RIPPLY3: variants seen among roughly 807,000 people sequenced by gnomAD.
RIPPLY3 encodes protein ripply3.
A neutral mutation model predicts 11.9 loss-of-function variants in RIPPLY3; 8 were observed. The ratio of observed to expected loss-of-function variants is 0.67; its 90% CI spans 0.40 to 1.21. The LOEUF is 1.21. RIPPLY3 is among the 50% of genes most tolerant of loss of function. The pLI is 0.01. For missense variants in RIPPLY3, 271 were observed against 246.0 expected (o/e 1.10, Z -0.68); for synonymous variants, 102 against 99.0 (o/e 1.03, Z -0.18).
rs1214243455 is a variant in RIPPLY3, at chr21:37,019,082, T to C, written c.*875T>C. ...ACAAAAAGGACCAGCCTGACCAACG[T>C]GGAGAAACTCTGTCTCTACTAAAAA... On this transcript the variant is annotated 3_prime_UTR_variant, in exon 4 of 4. Coordinates refer to ENST00000329553, the MANE Select transcript of RIPPLY3 (RefSeq NM_018962.3). 6.6e-6 allele frequency: 1 copy of C among 151,454 alleles called. No homozygotes were observed. Among genetic ancestry groups the C allele is most frequent in the East Asian group, 1.9e-4 (1 of 5,134 alleles). 9.4% of individuals were successfully genotyped at this position (151,454 alleles called of 1,614,324 possible). A position where few individuals can be genotyped will look rare whatever the true frequency, so the allele number is the denominator to read the frequency against.
chr21:37,015,158 T>C (rs2069565436), intron 3 of RIPPLY3, among the ~76,000 whole-genome samples: 1 of 151,566 alleles, frequency 6.6e-6, no homozygotes, highest in African/African-American at 2.4e-5. Flanking sequence ...TTTTGTTTTG[T>C]TTTTGTTTTT....
upstream of RIPPLY3, chr21:37,006,663 G>T: frequency 1.5e-6 from 1 of 653,912 alleles, no homozygotes; most frequent in Non-Finnish European, 2.1e-6. This position sits in a 1 kb window ranked among gnomAD's most constrained non-coding sequence, Gnocchi z 5.2. Context: ...GCGCCGCCCC[G>T]CCCCCGTTTT....
intron 3 of RIPPLY3, among the ~76,000 whole-genome samples, chr21:37,014,688 C>T (rs796735751): frequency 2.0e-5 from 3 of 152,330 alleles, no homozygotes; most frequent in African/African-American, 7.2e-5. Context: ...TCAGTCTCCT[C>T]AGACTGGTCA....
Position 37,016,035 on chromosome 21 carries a change from C to A in RIPPLY3, c.240-1839C>A, listed in dbSNP as rs577708878. Among the ~76,000 whole-genome samples the A allele has an allele frequency of 2.6e-5, 4 of 152,166 alleles. No homozygotes were observed. The East Asian group carries it at 7.7e-4, about 29-fold the overall frequency. ...CACCCCAGCATATTCTAAAGCCAAT[C>A]TCAGACATGCTAGGAATTCACCTGT... On this transcript the variant is annotated intron_variant, in intron 3 of 3. Transcript: ENST00000329553.
chr21:37,017,991 T>C lies in RIPPLY3; in HGVS notation c.357T>C (p.Ser119=), dbSNP rs2069596725. 2 of 1,614,186 alleles carry C rather than the reference T, an allele frequency of 1.2e-6. No homozygotes were observed. The highest frequency in any genetic ancestry group is 1.3e-5 in the African/African-American group (1 of 75,044). ...TCTACGACGATGAGTCTACTGAGTC[T>C]GCTTCCGAAGCTGAAGAGCCAGAGG... ...IDFYDDESTE[S]ASEAEEPEEG... The change falls in exon 4 of 4, where the codon TCT becomes TCC. Residue 119 remains serine, a synonymous_variant. Transcript: ENST00000329553.
chr21:37,014,452 C>T (rs137964208), intron 3 of RIPPLY3, among the ~76,000 whole-genome samples: 49 of 152,258 alleles, frequency 3.2e-4, no homozygotes, highest in African/African-American at 1.2e-3. Context: ...ATTCTCACTG[C>T]TGTATCCATC....
intron 1 of RIPPLY3, among the ~76,000 whole-genome samples, chr21:37,007,595 G>A (rs2069478719): frequency 6.6e-6 from 1 of 151,874 alleles, no homozygotes; most frequent in African/African-American, 2.4e-5. Context: ...TTTTAGTAGA[G>A]ACTGGGTTTC....
chr21:37,007,545 A>G (rs955048845), intron 1 of RIPPLY3, among the ~76,000 whole-genome samples: 1 of 150,342 alleles, frequency 6.7e-6, no homozygotes, highest in Admixed American at 6.7e-5. Context: ...AGTAGCAGGG[A>G]TTACACGCGC....
rs770889936 is a variant in RIPPLY3, at chr21:37,018,099, G to A, written c.465G>A (p.Gln155=). Residue 155 remains glutamine (Q), a synonymous_variant, in exon 4 of 4, where the codon CAG becomes CAA. Transcript: ENST00000329553. ...ENGPGGKGRD[Q]GINQGQRSSG... is the part of the protein sequence containing the mutation. ...GCCCAGGGGGAAAGGGCAGAGACCA[G>A]GGCATCAACCAAGGGCAGCGATCCT... 1.2e-6 allele frequency: 2 copies of A among 1,614,072 alleles called. No individual in the cohort carries two copies. Among genetic ancestry groups the A allele is most frequent in the African/African-American group, 1.3e-5 (1 of 75,034 alleles).
chr21:37,012,896 G>A (rs1037810454), intron 2 of RIPPLY3, among the ~76,000 whole-genome samples: 12 of 138,334 alleles, frequency 8.7e-5, no homozygotes, highest in African/African-American at 3.0e-4. Flanking sequence ...ACGGAGTGTC[G>A]CTCTGTCGTC....
intron 2 of RIPPLY3, among the ~76,000 whole-genome samples, chr21:37,008,756 CAAAAA>C (rs71198845): frequency 2.4e-5 from 2 of 81,654 alleles, no homozygotes; most frequent in African/African-American, 8.7e-5. Context: ...AGACTCATCT[CAAAAA>C]AAAAAAAAAA....
At chr21:37,011,951 A>T (rs959695621) in intron 2 of RIPPLY3, among the ~76,000 whole-genome samples, 2 of 149,606 alleles carry the variant, frequency 1.3e-5, no homozygotes, top group East Asian at 1.9e-4. Flanking sequence ...AAAAAAAAAA[A>T]AAAAAAATGG....
Position 37,006,974 on chromosome 21 carries a change from C to T in RIPPLY3, c.104+98C>T. ...CGGGAGGCTGGGGCGCTGCTGAACCCCCGATCCCCAGCGGAGCTCCGGAGC... is the reference window on the plus strand; with the variant it reads ...CGGGAGGCTGGGGCGCTGCTGAACCTCCGATCCCCAGCGGAGCTCCGGAGC... On this transcript the variant is annotated intron_variant, in intron 1 of 3. Transcript: ENST00000329553. This position sits in a 1 kb window ranked among gnomAD's most constrained non-coding sequence, Gnocchi z 5.2. 1 of 696,858 alleles carries T rather than the reference C, an allele frequency of 1.4e-6. No homozygotes were observed. Among genetic ancestry groups the T allele is most frequent in the Non-Finnish European group, 2.0e-6 (1 of 509,678 alleles). The allele number at this position is 696,858 out of a possible 1,614,324, so 43.2% of individuals were successfully genotyped here.
chr21:37,013,641 G>T (rs749763916), intron 3 of RIPPLY3, 23 bp downstream of exon 3: 1 of 1,578,090 alleles, frequency 6.3e-7, no homozygotes, highest in Non-Finnish European at 8.7e-7. Flanking sequence ...TTCACAATAA[G>T]TAATCTGTAA....
chr21:37,011,757 G>A (rs1245389908), intron 2 of RIPPLY3, among the ~76,000 whole-genome samples: 2 of 151,832 alleles, frequency 1.3e-5, no homozygotes, highest in African/African-American at 4.8e-5. Context: ...ATGAGATCAG[G>A]AGATCGAAAC....
chr21:37,009,895 C>A (rs944259754), intron 2 of RIPPLY3, among the ~76,000 whole-genome samples: 47 of 136,666 alleles, frequency 3.4e-4, no homozygotes, highest in African/African-American at 1.2e-3. Flanking sequence ...CCAATCCTCA[C>A]CCCTAGCCCG....
intron 2 of RIPPLY3, among the ~76,000 whole-genome samples, chr21:37,012,251 A>ATTATTATTT (rs1342341436): frequency 1.5e-5 from 2 of 133,208 alleles, no homozygotes; most frequent in African/African-American, 5.2e-5. Flanking sequence ...TATTATTATT[A>ATTATTATTT]TTTTTGAGAC....
At position 37,019,099 on chromosome 21, in the gene RIPPLY3, T is replaced by C. The variant is rs2069612782; in HGVS notation, c.*892T>C. The C allele has an allele frequency of 6.6e-6, 1 of 151,206 alleles. No individual in the cohort carries two copies. Among genetic ancestry groups the C allele is most frequent in the South Asian group, 2.1e-4 (1 of 4,738 alleles). The allele number at this position is 151,206 out of a possible 1,614,324, so 9.4% of individuals were successfully genotyped here. On this transcript the variant is annotated 3_prime_UTR_variant, in exon 4 of 4. Transcript: ENST00000329553. ...GACCAACGTGGAGAAACTCTGTCTC[T>C]ACTAAAAATACAAAATTAGCCAGGC...
At chr21:37,014,846 C>T (rs559656359) in intron 3 of RIPPLY3, among the ~76,000 whole-genome samples, 30 of 152,300 alleles carry the variant, frequency 2.0e-4, no homozygotes, top group Non-Finnish European at 2.8e-4. Flanking sequence ...CCCACTTCAC[C>T]CTCCTAAGTG....
Sources: gnomAD v4.1 joint callset for allele counts (sites outside exome capture counted in the v4.1 genomes callset) on GRCh38, gnomAD v4.1.1 for gene constraint, Gnocchi (gnomAD v3.1) non-coding constraint, MANE v1.5 for transcripts, NCBI Gene and HGNC (gene_info 2026-07-23, HGNC 2026-07-21) for gene names.